TMEM131L: variants seen among roughly 807,000 people sequenced by gnomAD.
TMEM131L encodes transmembrane 131 like, also known as transmembrane protein 131-like.
Under a neutral mutation model 192.2 loss-of-function variants are expected in TMEM131L, and 54 were observed. The observed-to-expected ratio is 0.28, with a 90% confidence interval of 0.23 to 0.35. TMEM131L has a LOEUF of 0.35. Among genes scored for constraint, TMEM131L ranks in the 10% least tolerant of loss-of-function variants. The pLI is 1.00. For missense variants in TMEM131L, 1,888 were observed against 1,972.9 expected (o/e 0.96, Z 0.82); for synonymous variants, 701 against 704.9 (o/e 0.99, Z 0.09).
chr4:153,481,491 T>C (rs1312438500), intron 3 of TMEM131L, among the ~76,000 whole-genome samples: 1 of 152,222 alleles, frequency 6.6e-6, no homozygotes, highest in South Asian at 2.1e-4. Context: ...TATTTGCCAT[T>C]GAAATAACAG....
chr4:153,480,166 C>T (rs541647131), intron 3 of TMEM131L, among the ~76,000 whole-genome samples: 20 of 152,270 alleles, frequency 1.3e-4, no homozygotes, highest in Admixed American at 3.3e-4. Context: ...GGTGAAACCC[C>T]GTCTCTACTA....
chr4:153,598,513 G>C, intron 20 of TMEM131L, 77 bp from the exon 21 acceptor site: 1 of 1,199,028 alleles, frequency 8.3e-7, no homozygotes, highest in Non-Finnish European at 1.2e-6. Context: ...TTGATAACTG[G>C]GAATATTTAA....
At position 153,466,513 on chromosome 4, in the gene TMEM131L, A is replaced by G; in HGVS notation, c.116A>G (p.Gln39Arg). The stretch of plus-strand genomic sequence containing the variant: ...CCCTGCTGTCGCCCGGGAGGGGCTC[A>G]GGGACAAGGTCAGCCTTGCGCCGCT... ...LLPCCRPGGAQGQAIEPLPNV... is the reference protein window; with the variant it reads ...LLPCCRPGGARGQAIEPLPNV... The change falls in exon 1 of 35, where the codon CAG becomes CGG. Residue 39 changes from glutamine (Q) to arginine (R), a missense_variant. By Grantham distance (43) the Gln-to-Arg change is conservative (BLOSUM62 1). Transcript: ENST00000409959. 1 of 1,393,858 alleles carries G rather than the reference A, an allele frequency of 7.2e-7. No homozygotes were observed. Among genetic ancestry groups the G allele is most frequent in the Non-Finnish European group, 9.4e-7 (1 of 1,064,316 alleles). 86.3% of individuals were successfully genotyped at this position (1,393,858 alleles called of 1,614,324 possible).
intron 25 of TMEM131L, among the ~76,000 whole-genome samples, chr4:153,606,035 C>T (rs1330814917): frequency 1.3e-5 from 2 of 152,206 alleles, no homozygotes; most frequent in African/African-American, 4.8e-5. Flanking sequence ...TCTCCTCCAC[C>T]TGGCGTGTGA....
chr4:153,556,774 A>T (rs1343394030), intron 5 of TMEM131L, among the ~76,000 whole-genome samples, 192 bp from the exon 6 acceptor site: 1 of 152,236 alleles, frequency 6.6e-6, no homozygotes, highest in Non-Finnish European at 1.5e-5. Flanking sequence ...AGTTAGTGGT[A>T]ATATTTGCTA....
chr4:153,596,262 C>T lies in TMEM131L; in HGVS notation c.2000C>T (p.Thr667Met), dbSNP rs112584375. The change falls in exon 20 of 35, where the codon ACG (threonine) becomes ATG (methionine). Residue 667 changes from threonine to methionine, a missense_variant. Coordinates refer to ENST00000409959, the MANE Select transcript of TMEM131L (RefSeq NM_001131007.2). ...GTTTAATTTGTTAATTTGCAGGGTA[C>T]GCATTCTGAGGAATCCAGGTTTGGC... Reference protein sequence around the residue: ...QLTEACPYLGTHSEESRFGIL... With the variant: ...QLTEACPYLGMHSEESRFGIL... 1.4e-5 allele frequency: 23 copies of T among 1,613,534 alleles called. No individual in the cohort carries two copies. Among genetic ancestry groups the T allele is most frequent in the African/African-American group, 5.3e-5 (4 of 75,002 alleles).
intron 25 of TMEM131L, among the ~76,000 whole-genome samples, chr4:153,610,613 A>G (rs13115985): frequency 0.56 from 85,094 of 152,104 alleles, 23,990 homozygotes; most frequent in Non-Finnish European, 0.58. Context: ...TATTTATATA[A>G]TTTTCTGTTA....
intron 3 of TMEM131L, among the ~76,000 whole-genome samples, chr4:153,534,920 G>T (rs1224000082): frequency 6.6e-6 from 1 of 152,244 alleles, no homozygotes; most frequent in African/African-American, 2.4e-5. Flanking sequence ...CTGGAGAGGG[G>T]TGTGGAGTTG....
intron 25 of TMEM131L, among the ~76,000 whole-genome samples, chr4:153,607,137 G>A (rs555187428): frequency 6.6e-6 from 1 of 152,264 alleles, no homozygotes; most frequent in African/African-American, 2.4e-5. Context: ...AGGGTTTGGA[G>A]TTTTTTTAGT....
intron 4 of TMEM131L, among the ~76,000 whole-genome samples, chr4:153,550,935 T>C (rs2150411381): frequency 6.6e-6 from 1 of 152,164 alleles, no homozygotes; most frequent in Middle Eastern, 3.4e-3. Context: ...ATGAAGACAG[T>C]GTGATATGAG....
intron 2 of TMEM131L, among the ~76,000 whole-genome samples, chr4:153,473,103 G>C (rs1731270959): frequency 6.6e-6 from 1 of 152,204 alleles, no homozygotes; most frequent in Admixed American, 6.5e-5. Flanking sequence ...GGTAGGGCTG[G>C]GTGTGTCAGG....
rs772288307 is a variant in TMEM131L at position 153,585,509 on chromosome 4, G to T, written c.1209G>T (p.Glu403Asp). The change falls in exon 13 of 35, where the codon GAG becomes GAT. Residue 403 changes from glutamate (E) to aspartate (D), a missense_variant. Glu to Asp is a conservative substitution (Grantham distance 45). Coordinates refer to ENST00000409959, the MANE Select transcript of TMEM131L (RefSeq NM_001131007.2). ...SATQFHIETH[E>D]NTSGLWSIWY... is the part of the protein sequence containing the mutation. Reference sequence around the variant, plus strand: ...CCCAGTTTCACATAGAGACTCATGAGAACACATCAGGACTTTGGTCAATAT... The same window carrying T: ...CCCAGTTTCACATAGAGACTCATGATAACACATCAGGACTTTGGTCAATAT... 1 of 1,614,034 alleles carries T rather than the reference G, an allele frequency of 6.2e-7. No homozygotes were observed. The highest frequency in any genetic ancestry group is 1.1e-5 in the South Asian group (1 of 91,070).
chr4:153,553,353 A>G (rs1201190915), intron 4 of TMEM131L, among the ~76,000 whole-genome samples: 1 of 152,150 alleles, frequency 6.6e-6, no homozygotes, highest in African/African-American at 2.4e-5. Flanking sequence ...TTTCACTACA[A>G]GTGGTAGAAT....
rs200721684 is a variant in TMEM131L, at chr4:153,604,268, C to T, written c.3256C>T (p.Pro1086Ser). Residue 1086 changes from proline (P) to serine (S), a missense_variant, in exon 25 of 35, where the codon CCT becomes TCT. Pro to Ser is a moderately conservative substitution (Grantham distance 74). Coordinates refer to ENST00000409959, the MANE Select transcript of TMEM131L (RefSeq NM_001131007.2). ...MKEGIQTCMF[P>S]KETDIKTSEN... The stretch of plus-strand genomic sequence containing the variant: ...GGAGGGAATACAGACATGTATGTTT[C>T]CTAAGGAAACTGACATTAAAACTTC... 156 of 1,613,948 alleles carry T rather than the reference C, an allele frequency of 9.7e-5. 1 individual carries two copies. The highest frequency in any genetic ancestry group is 1.2e-4 in the Non-Finnish European group (145 of 1,180,016).
At chr4:153,569,866 A>C (rs988992396) in intron 7 of TMEM131L, among the ~76,000 whole-genome samples, 12 of 152,214 alleles carry the variant, frequency 7.9e-5, no homozygotes, top group African/African-American at 2.9e-4. Flanking sequence ...TCTATTATGA[A>C]ACTCCGGGAG....
At chr4:153,617,357 C>CGT (rs1413287754) in intron 26 of TMEM131L, among the ~76,000 whole-genome samples, 1 of 152,208 alleles carries the variant, frequency 6.6e-6, no homozygotes. Context: ...TGAAAACGAA[C>CGT]TAATACAGGG....
chr4:153,480,219 G>T (rs1455312193), intron 3 of TMEM131L, among the ~76,000 whole-genome samples: 2 of 152,140 alleles, frequency 1.3e-5, no homozygotes, highest in South Asian at 4.1e-4. Flanking sequence ...GACGCCTGTA[G>T]TCCCAGCTGC....
chr4:153,506,581 G>T (rs1733998847), intron 3 of TMEM131L, among the ~76,000 whole-genome samples: 2 of 152,216 alleles, frequency 1.3e-5, no homozygotes, highest in Admixed American at 6.5e-5. Context: ...GGTGGCTCAT[G>T]CCTGTAATCC....
At chr4:153,620,313 AGATTTGGCTG>A (rs1733300558) in intron 26 of TMEM131L, among the ~76,000 whole-genome samples, 2 of 152,236 alleles carry the variant, frequency 1.3e-5, no homozygotes, top group Non-Finnish European at 2.9e-5. Context: ...CATTCTATAG[AGATTTGGCTG>A]TTCTCCTAAA....
Sources: allele counts gnomAD v4.1 joint callset (sites outside exome capture counted in the v4.1 genomes callset), GRCh38; gene constraint gnomAD v4.1.1; transcripts MANE v1.5; gene names NCBI Gene and HGNC (gene_info 2026-07-23, HGNC 2026-07-21).